The following SEC24D variants were observed in gnomAD, a reference collection of about 807,000 sequenced individuals.
SEC24D encodes the protein SEC24 homolog D, COPII component.
Under a neutral mutation model 116.9 loss-of-function variants are expected in SEC24D, and 69 were observed. The observed-to-expected ratio is 0.59, with a 90% CI of 0.49 to 0.72. The LOEUF (loss-of-function observed/expected upper bound fraction) is 0.72. SEC24D is among the 30% of genes least tolerant of loss of function. SEC24D has a pLI of 0.00. For synonymous variants in SEC24D, 405 were observed against 442.8 expected (o/e 0.91, Z 1.07); for missense variants, 1,131 against 1,264.1 (o/e 0.89, Z 1.60).
At chr4:118,796,259 T>A (rs970418208) in intron 8 of SEC24D, among the ~76,000 whole-genome samples, 1 of 152,246 alleles carries the variant, frequency 6.6e-6, no homozygotes, top group Non-Finnish European at 1.5e-5. Flanking sequence ...TTAAAATGCA[T>A]GCATTGTACA....
intron 8 of SEC24D, among the ~76,000 whole-genome samples, chr4:118,773,629 C>T (rs187128019): frequency 8.5e-4 from 130 of 152,298 alleles, no homozygotes; most frequent in African/African-American, 3.0e-3. Flanking sequence ...TGAACAACTA[C>T]CCTTTAAAAA....
chr4:118,799,277 G>A (rs1420970070), intron 7 of SEC24D, among the ~76,000 whole-genome samples: 1 of 152,194 alleles, frequency 6.6e-6, no homozygotes, highest in Non-Finnish European at 1.5e-5. Flanking sequence ...GCTGGCCTGA[G>A]AAACCAGAAG....
intron 6 of SEC24D, among the ~76,000 whole-genome samples, chr4:118,810,772 A>G (rs1163386955): frequency 2.6e-5 from 4 of 151,624 alleles, no homozygotes; most frequent in Non-Finnish European, 4.4e-5. Flanking sequence ...GTAAATGCCA[A>G]TGGAGAAAGG....
chr4:118,793,666 A>C (rs1176579336), intron 8 of SEC24D, among the ~76,000 whole-genome samples: 1 of 152,208 alleles, frequency 6.6e-6, no homozygotes, highest in Non-Finnish European at 1.5e-5. Context: ...GTGTTGCAGC[A>C]TCCCTTTCAC....
chr4:118,797,623 G>T, intron 8 of SEC24D, 60 bp downstream of exon 8: 1 of 1,317,032 alleles, frequency 7.6e-7, no homozygotes, highest in Non-Finnish European at 1.0e-6. Context: ...AGAAAATTGT[G>T]AGAAAATGGT....
chr4:118,820,956 AC>A (rs1236439082), intron 3 of SEC24D, among the ~76,000 whole-genome samples: 1 of 152,146 alleles, frequency 6.6e-6, no homozygotes, highest in Non-Finnish European at 1.5e-5. Context: ...TGCAGAGTTG[AC>A]TCAGTTTTCT....
chr4:118,731,913 A>G lies in SEC24D; in HGVS notation c.2677-406T>C, dbSNP rs539892768. Among the ~76,000 whole-genome samples the G allele has an allele frequency of 6.6e-5, 10 of 152,154 alleles. No homozygotes were observed. In the South Asian group the frequency reaches 2.1e-3, roughly 32 times the overall value. On this transcript the variant is annotated intron_variant, in intron 20 of 22. Transcript: ENST00000280551. ...GGACAACTGGAGAAGACCATTTCAG[A>G]TGGAAGGAAAAGCTAGTGCACTGGT...
At chr4:118,765,822 C>CT (rs1049763957) in intron 9 of SEC24D, among the ~76,000 whole-genome samples, 52 of 139,092 alleles carry the variant, frequency 3.7e-4, no homozygotes, top group African/African-American at 1.0e-3. Flanking sequence ...TGAGGTTGTT[C>CT]TTTTTTTAAA....
chr4:118,797,023 T>C (rs1271576486), intron 8 of SEC24D, among the ~76,000 whole-genome samples: 1 of 152,136 alleles, frequency 6.6e-6, no homozygotes, highest in Admixed American at 6.5e-5. Flanking sequence ...CATGTGGGCA[T>C]TCATCACTCA....
intron 9 of SEC24D, among the ~76,000 whole-genome samples, chr4:118,767,720 G>GA (rs1001167524): frequency 5.2e-4 from 78 of 149,308 alleles, no homozygotes; most frequent in South Asian, 4.9e-3. Flanking sequence ...ACATCGGAGT[G>GA]AAAAAAAAAA....
At chr4:118,814,513 A>G (rs1467721892) in intron 6 of SEC24D, among the ~76,000 whole-genome samples, 2 of 152,298 alleles carry the variant, frequency 1.3e-5, no homozygotes, top group Middle Eastern at 3.4e-3. Context: ...GCAAAGCTTG[A>G]CTGATAAAAT....
intron 3 of SEC24D, among the ~76,000 whole-genome samples, chr4:118,818,354 G>A (rs529807809): frequency 1.3e-5 from 2 of 152,252 alleles, no homozygotes; most frequent in East Asian, 3.9e-4. Context: ...GAGAGGTTAG[G>A]AGCAGAGCCT....
chr4:118,747,817 C>T (rs1312942108), intron 13 of SEC24D, among the ~76,000 whole-genome samples: 4 of 152,044 alleles, frequency 2.6e-5, no homozygotes, highest in Admixed American at 6.6e-5. Flanking sequence ...TTTTATTATC[C>T]GAATGACACT....
At chr4:118,814,958 ACTGATGAGTTG>A in intron 6 of SEC24D, 59 bp downstream of exon 6, 1 of 1,523,676 alleles carries the variant, frequency 6.6e-7, no homozygotes, top group Non-Finnish European at 9.0e-7. Flanking sequence ...ATGCTAACAA[ACTGATGAGTTG>A]CTGAGAAAAA....
intron 11 of SEC24D, among the ~76,000 whole-genome samples, chr4:118,756,308 G>A (rs920670493): frequency 3.3e-5 from 5 of 152,036 alleles, no homozygotes; most frequent in African/African-American, 9.7e-5. Context: ...ACATCTGCAG[G>A]CATCAGACGC....
chr4:118,752,010 T>C lies in SEC24D; in HGVS notation c.1693A>G (p.Met565Val). The change falls in exon 13 of 23, where the codon ATG becomes GTG. Residue 565 changes from methionine to valine, a missense_variant. Met to Val is a conservative substitution (Grantham distance 21). Coordinates refer to ENST00000280551, the MANE Select transcript of SEC24D (RefSeq NM_014822.4). ...TVFAPVIQAG[M>V]EALKAADCPG... ...CTTCTTCTCACCTTTAGTGCTTCCA[T>C]GCCAGCCTGGATGACAGGAGCAAAG... is the stretch of plus-strand genomic sequence containing the variant. The C allele has an allele frequency of 1.2e-6, 2 of 1,610,750 alleles. No homozygotes were observed. Among genetic ancestry groups the C allele is most frequent in the Non-Finnish European group, 1.7e-6 (2 of 1,177,260 alleles).
At chr4:118,724,522 T>C (rs1725310075) in intron 22 of SEC24D, among the ~76,000 whole-genome samples, 1 of 152,178 alleles carries the variant, frequency 6.6e-6, no homozygotes, top group East Asian at 1.9e-4. Flanking sequence ...AGATTACATA[T>C]AGAAATTATA....
chr4:118,736,344 T>C (rs1407765132), intron 19 of SEC24D: 1 of 160,436 alleles, frequency 6.2e-6, no homozygotes, highest in Non-Finnish European at 1.4e-5. Flanking sequence ...ATCCTCAGAA[T>C]GACAGCTTCC....
chr4:118,743,179 G>A lies in SEC24D; in HGVS notation c.1995+809C>T, dbSNP rs1471578338. Among the ~76,000 whole-genome samples the A allele has an allele frequency of 2.0e-5, 3 of 152,140 alleles. No individual in the cohort carries two copies. The East Asian group carries it at 5.8e-4, about 29-fold the overall frequency. On this transcript the variant is annotated intron_variant, in intron 15 of 22. Transcript: ENST00000280551. ...AATCCCAATAATTTAAAACAAATAT[G>A]CAGTCACTTTTAAAAACATTATCTT... is the stretch of plus-strand genomic sequence containing the variant.
Sources: gnomAD v4.1 joint callset for allele counts (sites outside exome capture counted in the v4.1 genomes callset) on GRCh38, gnomAD v4.1.1 for gene constraint, MANE v1.5 for transcripts, NCBI Gene and HGNC (gene_info 2026-07-23, HGNC 2026-07-21) for gene names.